The following TMEM67 variants were observed in gnomAD, a reference collection of about 807,000 sequenced individuals.
TMEM67 encodes transmembrane protein 67.
TMEM67 carries 124 observed loss-of-function variants against 136.6 expected under a neutral mutation model. That is an observed-to-expected ratio of 0.91 (90% CI 0.78 to 1.05). The LOEUF is 1.05. Among genes scored for constraint, TMEM67 ranks in the 50% least tolerant of loss-of-function variants. The pLI, the probability that TMEM67 is intolerant of heterozygous loss-of-function variation, is 0.00. For synonymous variants in TMEM67, 364 were observed against 390.5 expected (o/e 0.93, Z 0.80); for missense variants, 1,107 against 1,178.4 (o/e 0.94, Z 0.89).
Position 93,808,454 on chromosome 8 carries a change from A to ATT in TMEM67, c.2440-386_2440-385insTT, listed in dbSNP as rs1424365809. Among the ~76,000 whole-genome samples the ATT allele has an allele frequency of 2.7e-4, 39 of 143,346 alleles. 1 individual carries two copies. Among genetic ancestry groups the ATT allele is most frequent in the African/African-American group, 8.6e-4 (34 of 39,332 alleles). 94.0% of individuals were successfully genotyped at this position (143,346 alleles called of 152,430 possible). On this transcript the variant is annotated intron_variant, in intron 23 of 27. Transcript: ENST00000453321. ...ATCTATTATATATTTATTATATATAAATATATATTTATCTATTATAGATAT... is the reference window on the plus strand; with the variant it reads ...ATCTATTATATATTTATTATATATAATTATATATATTTATCTATTATAGATAT...
chr8:93,810,742 T>G (rs1808670282), intron 26 of TMEM67, among the ~76,000 whole-genome samples: 1 of 152,140 alleles, frequency 6.6e-6, no homozygotes, highest in African/African-American at 2.4e-5. Flanking sequence ...GAATCAACAG[T>G]CCACATGGAA....
chr8:93,829,388 G>C, the TMEM67 span, among the ~76,000 whole-genome samples: 22 of 149,678 alleles, frequency 1.5e-4, no homozygotes, highest in Middle Eastern at 3.4e-3. Context: ...CTCTCTGTGT[G>C]TGTGTGTGTG....
At chr8:93,772,014 G>A (rs751704775) in intron 6 of TMEM67, among the ~76,000 whole-genome samples, 1 of 152,100 alleles carries the variant, frequency 6.6e-6, no homozygotes, top group Non-Finnish European at 1.5e-5. Flanking sequence ...TTAAAGTAAT[G>A]TTTTTTAGCC....
chr8:93,809,592 A>G (rs1414654405), intron 25 of TMEM67, among the ~76,000 whole-genome samples, 193 bp from the exon 26 acceptor site: 1 of 152,214 alleles, frequency 6.6e-6, no homozygotes, highest in Non-Finnish European at 1.5e-5. Flanking sequence ...ACTACTAAGG[A>G]CATTTAAAAT....
chr8:93,804,892 T>C lies in TMEM67; in HGVS notation c.2439+14T>C. 1 of 1,412,666 alleles carries C rather than the reference T, an allele frequency of 7.1e-7. No individual in the cohort carries two copies. The highest frequency in any genetic ancestry group is 1.0e-6 in the Non-Finnish European group (1 of 997,154). 87.5% of individuals were successfully genotyped at this position (1,412,666 alleles called of 1,614,324 possible). On this transcript the variant is annotated intron_variant, in intron 23 of 27. Coordinates refer to ENST00000453321, the MANE Select transcript of TMEM67 (RefSeq NM_153704.6). ...AAAAGAGAAGCGGTATGAAAATGTTTTACATCTTTTTGTTTTTAAGTTGAG... is the reference window on the plus strand; with the variant it reads ...AAAAGAGAAGCGGTATGAAAATGTTCTACATCTTTTTGTTTTTAAGTTGAG...
At chr8:93,761,408 G>A (rs1812824959) in intron 3 of TMEM67, among the ~76,000 whole-genome samples, 3 of 152,206 alleles carry the variant, frequency 2.0e-5, no homozygotes, top group Admixed American at 2.0e-4. Flanking sequence ...AACCTCTGTG[G>A]AAAGCAAATT....
At chr8:93,762,063 T>G (rs989927292) in intron 3 of TMEM67, 1 of 152,146 alleles carries the variant, frequency 6.6e-6, no homozygotes, top group Admixed American at 6.5e-5. Context: ...AAAACCACCC[T>G]GGCCAACATG....
chr8:93,761,172 G>A (rs901217250), intron 3 of TMEM67, among the ~76,000 whole-genome samples: 1 of 152,138 alleles, frequency 6.6e-6, no homozygotes, highest in Non-Finnish European at 1.5e-5. Flanking sequence ...GGTGGCACAT[G>A]CCTGTAATCC....
intron 7 of TMEM67, among the ~76,000 whole-genome samples, chr8:93,775,177 A>G (rs1047669078): frequency 6.6e-6 from 1 of 152,090 alleles, no homozygotes; most frequent in Admixed American, 6.5e-5. Flanking sequence ...GTCTGTTCAT[A>G]TCCTTTGCCC....
At position 93,771,846 on chromosome 8, in the gene TMEM67, A is replaced by C. The variant is rs1031550563; in HGVS notation, c.652-743A>C. Among the ~76,000 whole-genome samples, 4 of 152,234 alleles carry C rather than the reference A, an allele frequency of 2.6e-5. No homozygotes were observed. The East Asian group carries it at 7.7e-4, about 29-fold the overall frequency. ...AAAATAATTTTTGCTTATTAAATAT[A>C]CACAAATAGTACCTCATAGTTTTAT... On this transcript the variant is annotated intron_variant, in intron 6 of 27. Coordinates refer to ENST00000453321, the MANE Select transcript of TMEM67 (RefSeq NM_153704.6).
Position 93,755,066 on chromosome 8 carries a change from A to G in TMEM67, c.152A>G (p.Asn51Ser), listed in dbSNP as rs1165968607. Residue 51 changes from asparagine (N) to serine (S), a missense_variant, in exon 1 of 28, where the codon AAC becomes AGC. Physicochemically the swap from Asn to Ser is conservative, Grantham distance 46 (BLOSUM62 1). This residue lies in a region of TMEM67 where 178 missense variants were observed against 159.2 expected (regional missense o/e 1.12). Coordinates refer to ENST00000453321, the MANE Select transcript of TMEM67 (RefSeq NM_153704.6). ...TTCCAGCAGCCGGAGAAGTGCGACA[A>G]CAACCAGTACTTTGATATCTCCGCC... ...FPFQQPEKCDNNQYFDISALS... is the reference protein window; with the variant it reads ...FPFQQPEKCDSNQYFDISALS... 2.5e-6 allele frequency: 4 copies of G among 1,614,064 alleles called. No individual in the cohort carries two copies. Among genetic ancestry groups the G allele is most frequent in the African/African-American group, 2.7e-5 (2 of 74,912 alleles).
intron 26 of TMEM67, among the ~76,000 whole-genome samples, chr8:93,814,386 G>A (rs985103784): frequency 1.6e-4 from 24 of 149,868 alleles, no homozygotes; most frequent in African/African-American, 5.6e-4. Flanking sequence ...TGATCTGCCC[G>A]CCTCGGCCTC....
chr8:93,785,400 C>T (rs936021751), intron 12 of TMEM67, 22 bp downstream of exon 12: 1 of 1,606,132 alleles, frequency 6.2e-7, no homozygotes, highest in Non-Finnish European at 8.5e-7. Flanking sequence ...ATACATACCA[C>T]TCTTTTCCCT....
In TMEM67 at chr8:93,758,481, A is replaced by G; in HGVS notation, c.313-2A>G. On this transcript the variant is annotated splice_acceptor_variant, in intron 2 of 27. Transcript: ENST00000453321. LOFTEE classifies it high-confidence loss of function. ...AAAAGCATTTTTTTTCTTTTAATTT[A>G]GAAAGGTGTTACAGAAGATGGCTGG... 3 of 1,609,128 alleles carry G rather than the reference A, an allele frequency of 1.9e-6. No homozygotes were observed. The highest frequency in any genetic ancestry group is 2.6e-6 in the Non-Finnish European group (3 of 1,176,454).
At chr8:93,820,154 C>T (rs2130809357), downstream of TMEM67, among the ~76,000 whole-genome samples, 3 of 152,328 alleles carry the variant, frequency 2.0e-5, no homozygotes, top group Middle Eastern at 6.8e-3. Context: ...GCCCTGGCTC[C>T]TGGTGCTCCT....
chr8:93,780,373 C>T (rs575271793), intron 7 of TMEM67, among the ~76,000 whole-genome samples: 1 of 152,246 alleles, frequency 6.6e-6, no homozygotes, highest in East Asian at 1.9e-4. Context: ...CCATGGGCTG[C>T]ACCCACTGTC....
At chr8:93,803,719 C>G (rs376672366) in intron 22 of TMEM67, 35 bp downstream of exon 22, 1 of 1,225,302 alleles carries the variant, frequency 8.2e-7, no homozygotes, top group South Asian at 1.2e-5. Flanking sequence ...GCAACTGTTA[C>G]TTTCCCTTTT....
chr8:93,754,870 G>A, upstream of TMEM67: 15 of 1,578,280 alleles, frequency 9.5e-6, no homozygotes, highest in Non-Finnish European at 1.3e-5. Flanking sequence ...CCGCCGCAGA[G>A]GCTGATGGGG....
chr8:93,805,021 G>A, intron 23 of TMEM67, 143 bp downstream of exon 23: 1 of 585,164 alleles, frequency 1.7e-6, no homozygotes. Flanking sequence ...CACCCAGGCT[G>A]GAGTGCAGTG....
Sources: gnomAD v4.1 joint callset for allele counts (sites outside exome capture counted in the v4.1 genomes callset) on GRCh38, gnomAD v4.1.1 for gene constraint, gnomAD v4.1.1 regional missense constraint, MANE v1.5 for transcripts, NCBI Gene and HGNC (gene_info 2026-07-23, HGNC 2026-07-21) for gene names.